LRMDA: variants seen among roughly 807,000 people sequenced by gnomAD.
LRMDA encodes the protein leucine-rich melanocyte differentiation-associated protein.
In LRMDA, 18 loss-of-function variants were observed where a neutral mutation model predicts 29.8. The observed-to-expected ratio is 0.60, with a 90% CI of 0.42 to 0.90. LRMDA has a LOEUF of 0.90. Ranked by LOEUF, LRMDA falls within the 40% of genes least tolerant of loss-of-function variation. The probability of loss-of-function intolerance (pLI) is 0.00; values close to 1 mark genes in which losing one functional copy is unlikely to be tolerated. For synonymous variants in LRMDA, 125 were observed against 109.4 expected (o/e 1.14, Z -0.89); for missense variants, 273 against 273.9 (o/e 1.00, Z 0.02).
intron 6 of LRMDA, among the ~76,000 whole-genome samples, chr10:76,396,827 T>A (rs61459189): frequency 0.019 from 2,902 of 152,294 alleles, 87 homozygotes; most frequent in African/African-American, 0.066. Flanking sequence ...TACATATATA[T>A]ATTTTCAAGT....
intron 2 of LRMDA, among the ~76,000 whole-genome samples, chr10:75,612,220 A>T (rs572279643): frequency 2.0e-5 from 3 of 152,334 alleles, no homozygotes; most frequent in Non-Finnish European, 4.4e-5. Context: ...GTGCCTTTGA[A>T]GACTAGTTGA....
chr10:76,153,504 G>C (rs1382206242), intron 5 of LRMDA, among the ~76,000 whole-genome samples: 2 of 152,140 alleles, frequency 1.3e-5, no homozygotes, highest in Non-Finnish European at 2.9e-5. Context: ...GTGTGAGGTA[G>C]GGTGGGTCCA....
At chr10:76,540,488 A>G (rs1843342168) in intron 6 of LRMDA, among the ~76,000 whole-genome samples, 1 of 152,232 alleles carries the variant, frequency 6.6e-6, no homozygotes, top group African/African-American at 2.4e-5. Context: ...CGAGTCATGA[A>G]TAACACATAA....
chr10:76,006,926 G>T (rs538045951), intron 2 of LRMDA, among the ~76,000 whole-genome samples: 1 of 151,322 alleles, frequency 6.6e-6, no homozygotes, highest in Non-Finnish European at 1.5e-5. Context: ...GCAGTTCCTC[G>T]GCAAAGCACT....
At chr10:75,495,385 C>T (rs1845032548) in intron 2 of LRMDA, among the ~76,000 whole-genome samples, 1 of 151,532 alleles carries the variant, frequency 6.6e-6, no homozygotes, top group South Asian at 2.1e-4. Flanking sequence ...TTTTAACCTG[C>T]TTTTATCGAT....
intron 6 of LRMDA, among the ~76,000 whole-genome samples, chr10:76,379,031 A>G (rs1841557264): frequency 6.6e-6 from 1 of 150,828 alleles, no homozygotes; most frequent in South Asian, 2.1e-4. Context: ...TACTTTTTAT[A>G]TTTTTAGTAG....
chr10:75,761,636 A>G (rs1462583916), intron 2 of LRMDA, among the ~76,000 whole-genome samples: 1 of 152,208 alleles, frequency 6.6e-6, no homozygotes, highest in African/African-American at 2.4e-5. Flanking sequence ...AATATTGTGA[A>G]TGTACTTAAT....
At chr10:76,287,506 C>T (rs979628184) in intron 5 of LRMDA, among the ~76,000 whole-genome samples, 7 of 151,926 alleles carry the variant, frequency 4.6e-5, no homozygotes, top group Admixed American at 2.0e-4. Context: ...GGACAGAGAT[C>T]CTGCAATTCT....
intron 6 of LRMDA, among the ~76,000 whole-genome samples, chr10:76,338,539 T>A (rs956471115): frequency 2.0e-5 from 3 of 152,086 alleles, no homozygotes; most frequent in African/African-American, 7.2e-5. Context: ...CTTCTCTCCA[T>A]CCTTAGTTTA....
At chr10:75,968,069 A>G (rs1846897956) in intron 2 of LRMDA, among the ~76,000 whole-genome samples, 2 of 151,902 alleles carry the variant, frequency 1.3e-5, no homozygotes, top group Non-Finnish European at 2.9e-5. Context: ...AAATTTTCTG[A>G]TGGTGGTGAG....
chr10:76,235,687 T>C (rs966432073), intron 5 of LRMDA, among the ~76,000 whole-genome samples: 2 of 152,198 alleles, frequency 1.3e-5, no homozygotes, highest in African/African-American at 4.8e-5. Context: ...ACTATTGAGT[T>C]ACAGGAGTAG....
chr10:76,409,729 GCA>G (rs1841938206), intron 6 of LRMDA, among the ~76,000 whole-genome samples: 1 of 152,130 alleles, frequency 6.6e-6, no homozygotes, highest in Non-Finnish European at 1.5e-5. Flanking sequence ...AATATCAAGT[GCA>G]TGGTCAACTT....
chr10:75,451,550 G>A (rs139420013), intron 2 of LRMDA: 1 of 152,312 alleles, frequency 6.6e-6, no homozygotes, highest in African/African-American at 2.4e-5. Context: ...AAATTAGCAA[G>A]CTAATTGATT....
chr10:75,801,189 C>A (rs1843738562), intron 2 of LRMDA, among the ~76,000 whole-genome samples: 1 of 152,204 alleles, frequency 6.6e-6, no homozygotes, highest in African/African-American at 2.4e-5. Flanking sequence ...ACTACTTGGA[C>A]TTCCCTCAAG....
intron 2 of LRMDA, among the ~76,000 whole-genome samples, chr10:75,508,486 A>C (rs1845192311): frequency 6.6e-6 from 1 of 152,158 alleles, no homozygotes; most frequent in Admixed American, 6.5e-5. Flanking sequence ...ACTTGACTGG[A>C]GTGCTGTTTG....
At chr10:75,818,361 C>A (rs1167212743) in intron 2 of LRMDA, among the ~76,000 whole-genome samples, 1 of 152,192 alleles carries the variant, frequency 6.6e-6, no homozygotes, top group Non-Finnish European at 1.5e-5. Flanking sequence ...TGTCAAGTAT[C>A]TGTTATACAC....
At chr10:75,853,004 AGG>A (rs1844758672) in intron 2 of LRMDA, among the ~76,000 whole-genome samples, 1 of 152,146 alleles carries the variant, frequency 6.6e-6, no homozygotes, top group Non-Finnish European at 1.5e-5. Context: ...TGCTGAGCAA[AGG>A]GGGAAAAGCC....
At chr10:76,015,943 G>A (rs1269761461) in intron 2 of LRMDA, among the ~76,000 whole-genome samples, 3 of 152,050 alleles carry the variant, frequency 2.0e-5, no homozygotes, top group Non-Finnish European at 4.4e-5. Context: ...TGTCATTCTT[G>A]GACTTCTAGC....
chr10:76,373,761 T>C (rs1841483827), intron 6 of LRMDA, among the ~76,000 whole-genome samples: 1 of 152,178 alleles, frequency 6.6e-6, no homozygotes, highest in Non-Finnish European at 1.5e-5. Flanking sequence ...TGTGTTTCAA[T>C]GATAAGATGA....
Sources: allele counts gnomAD v4.1 joint callset (sites outside exome capture counted in the v4.1 genomes callset), GRCh38; gene constraint gnomAD v4.1.1; transcripts MANE v1.5; gene names NCBI Gene and HGNC (gene_info 2026-07-23, HGNC 2026-07-21).